The following GALNT10 variants were observed in gnomAD, a reference collection of about 807,000 sequenced individuals.
GALNT10 encodes polypeptide N-acetylgalactosaminyltransferase 10.
GALNT10 carries 41 observed loss-of-function variants against 75.0 expected under a neutral mutation model. The ratio of observed to expected loss-of-function variants is 0.55; its 90% CI spans 0.43 to 0.71. The LOEUF is 0.71. Ranked by LOEUF, GALNT10 falls within the 30% of genes least tolerant of loss-of-function variation. The probability of loss-of-function intolerance (pLI) is 0.00; values close to 1 mark genes in which losing one functional copy is unlikely to be tolerated. For synonymous variants in GALNT10, 302 were observed against 313.0 expected (o/e 0.96, Z 0.37); for missense variants, 727 against 818.5 (o/e 0.89, Z 1.36).
In GALNT10 at chr5:154,339,796, C is replaced by T. The variant is rs1393243553; in HGVS notation, c.568+10058C>T. ...TTTTCTTATGAGGATTAAAGTCTAA[C>T]CTTTTCCACTGTTTTAGTGTTTCCT... On this transcript the variant is annotated intron_variant, in intron 4 of 11. Coordinates refer to ENST00000297107, the MANE Select transcript of GALNT10 (RefSeq NM_198321.4). Among the ~76,000 whole-genome samples, 7 of 152,154 alleles carry T rather than the reference C, an allele frequency of 4.6e-5. 1 individual carries two copies. Among genetic ancestry groups the T allele is most frequent in the Non-Finnish European group, 1.5e-5 (1 of 68,028 alleles).
At chr5:154,266,573 TA>T (rs70978533) in intron 1 of GALNT10, among the ~76,000 whole-genome samples, 84 of 141,804 alleles carry the variant, frequency 5.9e-4, no homozygotes, top group South Asian at 5.0e-3. Context: ...AGACTATCAT[TA>T]AAAAAAAAAA....
rs2113230821 is a variant in GALNT10, at chr5:154,416,717, GTCACTTCC to G, written c.1654-90_1654-83del. 3 of 886,956 alleles carry G rather than the reference GTCACTTCC, an allele frequency of 3.4e-6. No individual in the cohort carries two copies. Among genetic ancestry groups the G allele is most frequent in the Admixed American group, 1.8e-5 (1 of 54,796 alleles). The allele number at this position is 886,956 out of a possible 1,614,324, so 54.9% of individuals were successfully genotyped here. A position where few individuals can be genotyped will look rare whatever the true frequency, so the allele number is the denominator to read the frequency against. Reference sequence around the variant, plus strand: ...AGGTGTATGAACAGCTAGTCAGTCAGTCACTTCCTCACTTTCTCATTGCTGGTATTGTT... The same window carrying G: ...AGGTGTATGAACAGCTAGTCAGTCAGTCACTTTCTCATTGCTGGTATTGTT... On this transcript the variant is annotated intron_variant, in intron 11 of 11. Transcript: ENST00000297107. This position sits in a 1 kb window ranked among gnomAD's most constrained non-coding sequence, Gnocchi z 4.5.
intron 1 of GALNT10, among the ~76,000 whole-genome samples, chr5:154,292,589 T>G (rs775538853): frequency 3.9e-5 from 6 of 152,188 alleles, no homozygotes; most frequent in Non-Finnish European, 7.3e-5. Flanking sequence ...AGCAGAATAT[T>G]ACCTTGGGCA....
chr5:154,369,993 G>A (rs942390620), intron 4 of GALNT10, among the ~76,000 whole-genome samples: 3 of 152,208 alleles, frequency 2.0e-5, no homozygotes, highest in African/African-American at 7.2e-5. Context: ...AAGGCTCAGT[G>A]GCATCAGAGA....
intron 1 of GALNT10, among the ~76,000 whole-genome samples, chr5:154,208,044 G>C (rs761330005): frequency 2.0e-5 from 3 of 152,200 alleles, no homozygotes; most frequent in Non-Finnish European, 4.4e-5. Flanking sequence ...CGAGGGGCCA[G>C]GGCACTCCAG....
chr5:154,360,450 T>TAAAAAAAAAA (rs11308900), intron 4 of GALNT10, among the ~76,000 whole-genome samples: 1 of 133,722 alleles, frequency 7.5e-6, no homozygotes, highest in African/African-American at 2.8e-5. Flanking sequence ...AAACTCCATC[T>TAAAAAAAAAA]AAAAAAAAAA....
chr5:154,410,801 G>C (rs1262285990), intron 9 of GALNT10, among the ~76,000 whole-genome samples: 2 of 152,260 alleles, frequency 1.3e-5, no homozygotes, highest in Middle Eastern at 3.2e-3. Context: ...AGACAGGGCA[G>C]AGAGGAACAG....
Position 154,279,856 on chromosome 5 carries a change from G to T in GALNT10, c.160-14960G>T, listed in dbSNP as rs1754013361. ...GTCCTTAATCAAATACGTGTTTTAT[G>T]CAGTATGGAAGTTCCTCAGAAAGCT... On this transcript the variant is annotated intron_variant, in intron 1 of 11. Coordinates refer to ENST00000297107, the MANE Select transcript of GALNT10 (RefSeq NM_198321.4). Among the ~76,000 whole-genome samples the T allele has an allele frequency of 2.0e-5, 3 of 152,174 alleles. No individual in the cohort carries two copies. The South Asian group carries it at 6.2e-4, about 32-fold the overall frequency.
chr5:154,413,034 C>G, intron 10 of GALNT10, 29 bp downstream of exon 10: 1 of 1,413,782 alleles, frequency 7.1e-7, no homozygotes, highest in Non-Finnish European at 1.0e-6. Flanking sequence ...GGACTGGCAG[C>G]CAGGTTCTCT....
chr5:154,336,472 C>A (rs1470327974), intron 4 of GALNT10, among the ~76,000 whole-genome samples: 1 of 152,196 alleles, frequency 6.6e-6, no homozygotes, highest in Non-Finnish European at 1.5e-5. Flanking sequence ...AGAGTTCCTG[C>A]TGTTCCACCT....
chr5:154,260,794 A>C (rs1366787049), intron 1 of GALNT10, among the ~76,000 whole-genome samples: 1 of 152,220 alleles, frequency 6.6e-6, no homozygotes, highest in African/African-American at 2.4e-5. Flanking sequence ...AATACTATTT[A>C]GCTTCTTCAC....
chr5:154,319,146 T>C (rs1417114931), intron 3 of GALNT10, among the ~76,000 whole-genome samples: 1 of 152,148 alleles, frequency 6.6e-6, no homozygotes, highest in Non-Finnish European at 1.5e-5. Flanking sequence ...TCCAAGCACC[T>C]CAGGAGGCCA....
intron 9 of GALNT10, among the ~76,000 whole-genome samples, chr5:154,411,610 AGCAG>A: frequency 6.6e-6 from 1 of 152,364 alleles, no homozygotes; most frequent in Middle Eastern, 3.4e-3. Flanking sequence ...AAATTCACAC[AGCAG>A]TCACAGAGCC....
At chr5:154,230,950 T>C (rs1302640027) in intron 1 of GALNT10, among the ~76,000 whole-genome samples, 2 of 152,234 alleles carry the variant, frequency 1.3e-5, no homozygotes, top group Non-Finnish European at 2.9e-5. Context: ...TTTTTGTTCA[T>C]GTGACTTCAC....
intron 1 of GALNT10, among the ~76,000 whole-genome samples, chr5:154,198,185 G>A (rs1774974348): frequency 6.6e-6 from 1 of 152,202 alleles, no homozygotes; most frequent in African/African-American, 2.4e-5. Flanking sequence ...TCTAGCTTTG[G>A]AGCTACACTG....
At chr5:154,235,043 C>G (rs193100186) in intron 1 of GALNT10, among the ~76,000 whole-genome samples, 1 of 152,128 alleles carries the variant, frequency 6.6e-6, no homozygotes, top group Non-Finnish European at 1.5e-5. Flanking sequence ...GGGAAATAGT[C>G]TAGTACATAG....
At chr5:154,286,572 C>G (rs142264678) in intron 1 of GALNT10, among the ~76,000 whole-genome samples, 3 of 152,196 alleles carry the variant, frequency 2.0e-5, no homozygotes, top group Admixed American at 1.3e-4. Context: ...AATGAGCTTT[C>G]ATGCCTTACG....
chr5:154,226,172 T>G (rs1211429512), intron 1 of GALNT10, among the ~76,000 whole-genome samples: 1 of 152,196 alleles, frequency 6.6e-6, no homozygotes. Context: ...CATGCATTCT[T>G]GAATCTAAAA....
At chr5:154,294,995 T>C in intron 2 of GALNT10, 77 bp downstream of exon 2, 1 of 727,096 alleles carries the variant, frequency 1.4e-6, no homozygotes, top group Non-Finnish European at 2.5e-6. Flanking sequence ...TGTGTGTGTG[T>C]GTGTGTGTGT....
Sources: gnomAD v4.1 joint callset for allele counts (sites outside exome capture counted in the v4.1 genomes callset) on GRCh38, gnomAD v4.1.1 for gene constraint, Gnocchi (gnomAD v3.1) non-coding constraint, MANE v1.5 for transcripts, NCBI Gene and HGNC (gene_info 2026-07-23, HGNC 2026-07-21) for gene names.